SRSF12: variants seen among roughly 807,000 people sequenced by gnomAD.
The protein encoded by SRSF12 is serine and arginine rich splicing factor 12.
A neutral mutation model predicts 34.1 loss-of-function variants in SRSF12; 21 were observed. That is an observed-to-expected ratio of 0.62 (90% CI 0.44 to 0.89). The LOEUF is 0.89. Among genes scored for constraint, SRSF12 ranks in the 40% least tolerant of loss-of-function variants. The probability of loss-of-function intolerance (pLI) is 0.00; values close to 1 mark genes in which losing one functional copy is unlikely to be tolerated. For synonymous variants in SRSF12, 111 were observed against 110.8 expected, an observed-to-expected ratio of 1.00 and a Z score of -0.01; for missense variants, 278 against 327.8, an observed-to-expected ratio of 0.85 and a Z score of 1.17.
rs761804002 is a variant in SRSF12 at position 89,098,800 on chromosome 6, C to A, written c.564G>T (p.Arg188Ser). 6.2e-7 allele frequency: 1 copy of A among 1,613,890 alleles called. No homozygotes were observed. The highest frequency in any genetic ancestry group is 1.1e-5 in the South Asian group (1 of 91,078). The change falls in exon 5 of 5, where the codon AGG becomes AGT. Residue 188 changes from arginine to serine, a missense_variant. Arg to Ser is a moderately radical substitution (Grantham distance 110). Transcript: ENST00000452027. ...ACTGTGATTTTCCTATTGACTTGGA[C>A]CTCTTTTGTAAGGACTTGGACCTTG... ...GRSRSKSLQK[R>S]SKSIGKSQSS...
In SRSF12 at chr6:89,116,063, G is replaced by A. The variant is rs115988184; in HGVS notation, c.65+1760C>T. ...CAACAATAAGTCCAGATGTCTACAT[G>A]GCAGCTGTCAGCTGGAGCCTAGAGG... On this transcript the variant is annotated intron_variant, in intron 1 of 4. Coordinates refer to ENST00000452027, the MANE Select transcript of SRSF12 (RefSeq NM_080743.5). Among the ~76,000 whole-genome samples, 1,204 of 152,292 alleles carry A rather than the reference G, an allele frequency of 7.9e-3. 14 individuals carry two copies. The highest frequency in any genetic ancestry group is 0.028 in the African/African-American group (1,147 of 41,560).
chr6:89,117,938 C>T lies in SRSF12; in HGVS notation c.-51G>A. The T allele has an allele frequency of 1.3e-6, 2 of 1,521,438 alleles. No individual in the cohort carries two copies. Among genetic ancestry groups the T allele is most frequent in the Middle Eastern group, 1.8e-4 (1 of 5,698 alleles). The allele number at this position is 1,521,438 out of a possible 1,614,324, so 94.2% of individuals were successfully genotyped here. On this transcript the variant is annotated 5_prime_UTR_variant, in exon 1 of 5. Coordinates refer to ENST00000452027, the MANE Select transcript of SRSF12 (RefSeq NM_080743.5). ...TCTGCCCGCGGCCGCTGGACTCGCT[C>T]CGTCTCCCGCTACCGCTGCTACCAC...
chr6:89,109,873 C>T (rs912902437), intron 1 of SRSF12, among the ~76,000 whole-genome samples: 2 of 152,136 alleles, frequency 1.3e-5, no homozygotes, highest in East Asian at 1.9e-4. Flanking sequence ...GGGCGGATTA[C>T]GAGGTCAGGA....
chr6:89,110,758 T>C (rs7773548), intron 1 of SRSF12, among the ~76,000 whole-genome samples: 109,161 of 151,956 alleles, frequency 0.72, 39,306 homozygotes, highest in East Asian at 0.84. Flanking sequence ...ATGCCTACCT[T>C]AGCTTCACTA....
chr6:89,105,598 C>T (rs1768746065), intron 2 of SRSF12, 68 bp from the exon 3 acceptor site: 1 of 1,140,342 alleles, frequency 8.8e-7, no homozygotes, highest in Non-Finnish European at 1.2e-6. Context: ...GCATTATTTA[C>T]ATGTGAAATG....
chr6:89,105,532 T>C lies in SRSF12; in HGVS notation c.171-2A>G. On this transcript the variant is annotated splice_acceptor_variant, in intron 2 of 4. Coordinates refer to ENST00000452027, the MANE Select transcript of SRSF12 (RefSeq NM_080743.5). LOFTEE classifies it high-confidence loss of function. ...TCAGCATCTCGAACATCTTCAAATATGACTAGCTGTTAAGGACACTTTGAA... is the reference window on the plus strand; with the variant it reads ...TCAGCATCTCGAACATCTTCAAATACGACTAGCTGTTAAGGACACTTTGAA... 6.3e-7 allele frequency: 1 copy of C among 1,594,476 alleles called. No individual in the cohort carries two copies. The highest frequency in any genetic ancestry group is 1.2e-5 in the South Asian group (1 of 86,902).
chr6:89,105,038 A>G, intron 4 of SRSF12, 81 bp downstream of exon 4: 2 of 1,364,634 alleles, frequency 1.5e-6, no homozygotes, highest in South Asian at 3.2e-5. Context: ...AGCCTGGGAA[A>G]CAATGAGACC....
At chr6:89,114,819 C>CA in intron 1 of SRSF12, among the ~76,000 whole-genome samples, 1 of 152,260 alleles carries the variant, frequency 6.6e-6, no homozygotes, top group Admixed American at 6.5e-5. Flanking sequence ...GTTTTTGAGA[C>CA]AGAGTCTCGC....
chr6:89,107,120 T>A (rs766292235), intron 2 of SRSF12, 34 bp downstream of exon 2: 1 of 1,548,988 alleles, frequency 6.5e-7, no homozygotes, highest in Non-Finnish European at 8.9e-7. Flanking sequence ...GCATATACAG[T>A]ATATTCACAT....
At position 89,105,450 on chromosome 6, in the gene SRSF12, T is replaced by C; in HGVS notation, c.251A>G (p.Gln84Arg). 6.2e-7 allele frequency: 1 copy of C among 1,610,204 alleles called. No individual in the cohort carries two copies. The change falls in exon 3 of 5, where the codon CAG becomes CGG. Residue 84 changes from glutamine (Q) to arginine (R), a missense_variant. Physicochemically the swap from Gln to Arg is conservative, Grantham distance 43. Coordinates refer to ENST00000452027, the MANE Select transcript of SRSF12 (RefSeq NM_080743.5). ...KWVCGRQIEIQFAQGDRKTPG... is the reference protein window; with the variant it reads ...KWVCGRQIEIRFAQGDRKTPG... Reference sequence around the variant, plus strand: ...ACTTTTGCGATCACCTTGTGCAAACTGTATTTCAATCTGACGGCCACATAC... The same window carrying C: ...ACTTTTGCGATCACCTTGTGCAAACCGTATTTCAATCTGACGGCCACATAC...
In SRSF12 at chr6:89,117,962, A is replaced by G. The variant is rs1405652699; in HGVS notation, c.-75T>C. On this transcript the variant is annotated 5_prime_UTR_variant, in exon 1 of 5. Transcript: ENST00000452027. ...TCCGTCTCCCGCTACCGCTGCTACC[A>G]CCACAGGAGCTCCGCCGGCCCCCGG... 43 of 1,456,356 alleles carry G rather than the reference A, an allele frequency of 3.0e-5. No homozygotes were observed. The highest frequency in any genetic ancestry group is 3.9e-5 in the Non-Finnish European group (42 of 1,086,140). The allele number at this position is 1,456,356 out of a possible 1,614,324, so 90.2% of individuals were successfully genotyped here. A position where few individuals can be genotyped will look rare whatever the true frequency, so the allele number is the denominator to read the frequency against.
intron 4 of SRSF12, among the ~76,000 whole-genome samples, chr6:89,100,551 T>C (rs1582252594): frequency 1.3e-5 from 2 of 149,018 alleles, no homozygotes; most frequent in African/African-American, 2.5e-5. Context: ...CAAGAATAAC[T>C]AAAAACTAAG....
In SRSF12 at chr6:89,115,723, G is replaced by A. The variant is rs1057014430; in HGVS notation, c.65+2100C>T. ...GCGATGTTGGCTCACTGCAAGCTCC[G>A]CCTCCCGGGTTCACACCATTATCCT... On this transcript the variant is annotated intron_variant, in intron 1 of 4. Transcript: ENST00000452027. 6.2e-5 allele frequency among the ~76,000 whole-genome samples: 9 copies of A among 145,112 alleles called. No individual in the cohort carries two copies. The East Asian group carries it at 1.2e-3, about 20-fold the overall frequency.
intron 1 of SRSF12, among the ~76,000 whole-genome samples, chr6:89,108,756 G>C (rs1004024495): frequency 6.6e-6 from 1 of 152,156 alleles, no homozygotes; most frequent in African/African-American, 2.4e-5. Flanking sequence ...ACTGATAAGA[G>C]TTCTATAAGC....
At chr6:89,103,963 A>ACCTTTCAC (rs1344228559) in intron 4 of SRSF12, among the ~76,000 whole-genome samples, 2 of 140,350 alleles carry the variant, frequency 1.4e-5, no homozygotes, top group Non-Finnish European at 3.1e-5. Flanking sequence ...TTAGTCAACC[A>ACCTTTCAC]CCTTTCACAA....
Position 89,098,512 on chromosome 6 carries a change from T to C in SRSF12, c.*66A>G. The C allele has an allele frequency of 1.3e-6, 2 of 1,499,586 alleles. No homozygotes were observed. Among genetic ancestry groups the C allele is most frequent in the Non-Finnish European group, 1.8e-6 (2 of 1,127,078 alleles). The allele number at this position is 1,499,586 out of a possible 1,614,324, so 92.9% of individuals were successfully genotyped here. On this transcript the variant is annotated 3_prime_UTR_variant, in exon 5 of 5. Coordinates refer to ENST00000452027, the MANE Select transcript of SRSF12 (RefSeq NM_080743.5). ...ATTTTCTGTATGCCTTAAAGAATTT[T>C]TATTTAACATAATGAGAGTTTAATA...
At chr6:89,108,288 T>TGTTC (rs1355021100) in intron 1 of SRSF12, among the ~76,000 whole-genome samples, 2 of 152,258 alleles carry the variant, frequency 1.3e-5, no homozygotes, top group Non-Finnish European at 2.9e-5. Flanking sequence ...TGTTAGCCAG[T>TGTTC]GTTCACCTTA....
chr6:89,110,770 A>G (rs980867414), intron 1 of SRSF12, among the ~76,000 whole-genome samples: 13 of 151,918 alleles, frequency 8.6e-5, no homozygotes, highest in African/African-American at 2.9e-4. Context: ...GCTTCACTAC[A>G]TGTTCTTCAG....
intron 3 of SRSF12, 60 bp from the exon 4 acceptor site, chr6:89,105,320 C>T: frequency 6.4e-7 from 1 of 1,568,878 alleles, no homozygotes; most frequent in South Asian, 1.2e-5. Context: ...ACAGTAACAA[C>T]CACTCAACTA....
Sources: gnomAD v4.1 joint callset for allele counts (sites outside exome capture counted in the v4.1 genomes callset) on GRCh38, gnomAD v4.1.1 for gene constraint, MANE v1.5 for transcripts, NCBI Gene and HGNC (gene_info 2026-07-23, HGNC 2026-07-21) for gene names.